Variants in JAK3 observed in about 807,000 individuals in gnomAD.
JAK3 encodes Janus kinase 3.
In JAK3, 88 loss-of-function variants were observed where a neutral mutation model predicts 120.8. The observed-to-expected ratio is 0.73, with a 90% CI of 0.61 to 0.87. JAK3 has a LOEUF of 0.87. Among genes scored for constraint, JAK3 ranks in the 40% least tolerant of loss-of-function variants. The pLI is 0.00. For synonymous variants in JAK3, 592 were observed against 628.6 expected, an observed-to-expected ratio of 0.94 and a Z score of 0.87; for missense variants, 1,254 against 1,501.4, an observed-to-expected ratio of 0.84 and a Z score of 2.72.
intron 12 of JAK3, 133 bp downstream of exon 12, chr19:17,837,799 G>A: frequency 7.7e-7 from 1 of 1,306,728 alleles, no homozygotes; most frequent in Non-Finnish European, 1.1e-6. Context: ...TCCTGCCTCA[G>A]CCTCCCAAAG....
Position 17,826,472 on chromosome 19 carries a change from C to G in JAK3, c.*271G>C. On this transcript the variant is annotated 3_prime_UTR_variant, in exon 24 of 24. Transcript: ENST00000458235. ...CAGGGCTTAAGGGGTTGGGAAGATG[C>G]GAGAGTCTTAAATTTGGTTCCTTGC... 1.9e-6 allele frequency: 1 copy of G among 525,480 alleles called. No homozygotes were observed. The highest frequency in any genetic ancestry group is 3.1e-5 in the Admixed American group (1 of 32,174). 32.6% of individuals were successfully genotyped at this position (525,480 alleles called of 1,614,324 possible).
chr19:17,839,465 G>T lies in JAK3; in HGVS notation c.1441+12C>A. On this transcript the variant is annotated intron_variant, in intron 10 of 23. Transcript: ENST00000458235. Reference sequence around the variant, plus strand: ...AGATCAGCCACTCATTCCAGGGGAGGAAGGGGCTCACCTTTGGGTCTGGGG... The same window carrying T: ...AGATCAGCCACTCATTCCAGGGGAGTAAGGGGCTCACCTTTGGGTCTGGGG... The T allele has an allele frequency of 6.4e-7, 1 of 1,566,598 alleles. No individual in the cohort carries two copies. The highest frequency in any genetic ancestry group is 8.7e-7 in the Non-Finnish European group (1 of 1,154,248).
rs1481913622 is a variant in JAK3, at chr19:17,841,528, G to A, written c.1003C>T (p.Leu335=). The A allele has an allele frequency of 6.3e-7, 1 of 1,587,274 alleles. No individual in the cohort carries two copies. Among genetic ancestry groups the A allele is most frequent in the Non-Finnish European group, 8.6e-7 (1 of 1,166,918 alleles). The change falls in exon 8 of 24, where the codon CTG becomes TTG. Residue 335 remains leucine (L), a synonymous_variant. Coordinates refer to ENST00000458235, the MANE Select transcript of JAK3 (RefSeq NM_000215.4). This position sits in a 1 kb window ranked among gnomAD's most constrained non-coding sequence, Gnocchi z 4.1. ...NQILEAEFPG[L]PEALSFVALV... ...GCCACGAACGACAGAGCCTCGGGCA[G>A]CCCTGGGAACTCGGCCTCCTGCGAG... is the stretch of plus-strand genomic sequence containing the variant.
chr19:17,827,122 G>A (rs982862992), intron 23 of JAK3, among the ~76,000 whole-genome samples: 10 of 148,864 alleles, frequency 6.7e-5, no homozygotes, highest in African/African-American at 2.2e-4. Flanking sequence ...TGGGATTATA[G>A]GCACGTGCCA....
intron 1 of JAK3, among the ~76,000 whole-genome samples, chr19:17,845,547 C>T (rs758955283): frequency 6.6e-6 from 1 of 152,038 alleles, no homozygotes; most frequent in South Asian, 2.1e-4. Flanking sequence ...TTTGACAGGC[C>T]GAGGCAGGTG....
At chr19:17,828,140 G>A (rs192083015) in intron 23 of JAK3, among the ~76,000 whole-genome samples, 34 of 152,144 alleles carry the variant, frequency 2.2e-4, no homozygotes, top group African/African-American at 7.0e-4. Flanking sequence ...CGTCGGCCCC[G>A]TAAGAGGCCC....
chr19:17,838,884 T>C (rs1568404816), intron 10 of JAK3, among the ~76,000 whole-genome samples: 1 of 151,596 alleles, frequency 6.6e-6, no homozygotes, highest in Non-Finnish European at 1.5e-5. Context: ...CCCAGCTAAT[T>C]TTTGTATTTT....
chr19:17,845,517 A>G (rs1240842021), intron 1 of JAK3, among the ~76,000 whole-genome samples: 1 of 152,106 alleles, frequency 6.6e-6, no homozygotes, highest in Non-Finnish European at 1.5e-5. Flanking sequence ...AAAGAAAAAA[A>G]AGCCTTGTAA....
At chr19:17,827,897 C>T (rs2094207042) in intron 23 of JAK3, among the ~76,000 whole-genome samples, 2 of 121,818 alleles carry the variant, frequency 1.6e-5, no homozygotes. Flanking sequence ...AGCAAAACCA[C>T]GTCTCAAAAA....
In JAK3 at chr19:17,838,327, G is replaced by T. The variant is rs1375844585; in HGVS notation, c.1505C>A (p.Pro502His). 1.2e-6 allele frequency: 2 copies of T among 1,614,086 alleles called. No homozygotes were observed. The highest frequency in any genetic ancestry group is 1.1e-5 in the South Asian group (1 of 91,078). The change falls in exon 11 of 24, where the codon CCC (proline) becomes CAC (histidine). Residue 502 changes from proline (P) to histidine (H), a missense_variant. Coordinates refer to ENST00000458235, the MANE Select transcript of JAK3 (RefSeq NM_000215.4). Reference sequence around the variant, plus strand: ...CTGACTCAGCTGGTATTGGGATTGGGGCTGAACCAAGGATGATGTGGGTGG... The same window carrying T: ...CTGACTCAGCTGGTATTGGGATTGGTGCTGAACCAAGGATGATGTGGGTGG... Reference protein sequence around the residue: ...HSPPTSSLVQPQSQYQLSQMT... With the variant: ...HSPPTSSLVQHQSQYQLSQMT...
rs1599867016 is a variant in JAK3, at chr19:17,831,166, T to A, written c.2978+62A>T. 3 of 1,356,190 alleles carry A rather than the reference T, an allele frequency of 2.2e-6. No individual in the cohort carries two copies. In the East Asian group the frequency reaches 8.6e-5, roughly 39 times the overall value. 84.0% of individuals were successfully genotyped at this position (1,356,190 alleles called of 1,614,324 possible). A position where few individuals can be genotyped will look rare whatever the true frequency, so the allele number is the denominator to read the frequency against. ...AAAGCAGCGGGAGGGGGCGGGGGCA[T>A]GGCTGGGGGCGGAGCCAGAGCCGTG... On this transcript the variant is annotated intron_variant, in intron 21 of 23. Coordinates refer to ENST00000458235, the MANE Select transcript of JAK3 (RefSeq NM_000215.4). This position sits in a 1 kb window ranked among gnomAD's most constrained non-coding sequence, Gnocchi z 5.1.
chr19:17,832,924 C>T lies in JAK3; in HGVS notation c.2356G>A (p.Glu786Lys). 6.2e-7 allele frequency: 1 copy of T among 1,613,404 alleles called. No homozygotes were observed. The highest frequency in any genetic ancestry group is 8.5e-7 in the Non-Finnish European group (1 of 1,179,772). The change falls in exon 18 of 24, where the codon GAG becomes AAG. Residue 786 changes from glutamate to lysine, a missense_variant. Physicochemically the swap from Glu to Lys is moderately conservative, Grantham distance 56 (BLOSUM62 1). Around this residue, in one of 3 missense-constraint regions of JAK3, gnomAD observed 630 missense variants for 819.8 expected, o/e 0.77. Transcript: ENST00000458235. This position sits in a 1 kb window ranked among gnomAD's most constrained non-coding sequence, Gnocchi z 4.7. ...DLNSLISSDYELLSDPTPGAL... is the reference protein window; with the variant it reads ...DLNSLISSDYKLLSDPTPGAL... ...CCAGGTGTGGGGTCTGAGAGGAGCT[C>T]ATAGTCTGGGGTGGGGGCATGGGCA...
In JAK3 at chr19:17,834,902, C is replaced by A; in HGVS notation, c.2149G>T (p.Glu717Ter). 6.2e-7 allele frequency: 1 copy of A among 1,614,162 alleles called. No individual in the cohort carries two copies. The highest frequency in any genetic ancestry group is 1.1e-5 in the South Asian group (1 of 91,086). The change falls in exon 16 of 24, where the codon GAA (glutamate) becomes TAA (stop). Residue 717 changes from glutamate to a stop codon, truncating the protein, a stop_gained. Coordinates refer to ENST00000458235, the MANE Select transcript of JAK3 (RefSeq NM_000215.4). LOFTEE classifies it high-confidence loss of function. The stretch of plus-strand genomic sequence containing the variant: ...GGCATGGTGACGCCACTAAACACTT[C>A]CCAGACCGTGGCGCCGAAGCCCCAC... ...DKWGFGATVW[E>*]VFSGVTMPIS...
rs200616268 is a variant in JAK3, at chr19:17,839,741, T to TC, written c.1255-79_1255-78insG. The TC allele has an allele frequency of 2.7e-3, 2,041 of 750,886 alleles. 1 individual carries two copies. Among genetic ancestry groups the TC allele is most frequent in the East Asian group, 0.017 (356 of 21,430 alleles). 46.5% of individuals were successfully genotyped at this position (750,886 alleles called of 1,614,324 possible). A position where few individuals can be genotyped will look rare whatever the true frequency, so the allele number is the denominator to read the frequency against. On this transcript the variant is annotated intron_variant, in intron 9 of 23. Transcript: ENST00000458235. The stretch of plus-strand genomic sequence containing the variant: ...TCAGTCCTTCTTCCTTTTTTTTCTT[T>TC]TTTTTTTTTTTTTTTTGGAGACGGA...
intron 1 of JAK3, among the ~76,000 whole-genome samples, chr19:17,846,342 C>G (rs541899199): frequency 2.0e-5 from 3 of 152,144 alleles, no homozygotes; most frequent in African/African-American, 7.2e-5. Flanking sequence ...GCAATTGGCA[C>G]AGCGGTGTGG....
Position 17,824,783 on chromosome 19 carries a change from T to A in JAK3, c.*1960A>T, listed in dbSNP as rs1184150878. The A allele has an allele frequency of 5.4e-6, 1 of 185,094 alleles. No individual in the cohort carries two copies. The highest frequency in any genetic ancestry group is 1.1e-5 in the Non-Finnish European group (1 of 87,828). 11.5% of individuals were successfully genotyped at this position (185,094 alleles called of 1,614,324 possible). Reference sequence around the variant, plus strand: ...TCGCCCCAAGTCCAGCACAAAATCTTTTCCACTGAATTCCTTTATTCAGTC... The same window carrying A: ...TCGCCCCAAGTCCAGCACAAAATCTATTCCACTGAATTCCTTTATTCAGTC... On this transcript the variant is annotated 3_prime_UTR_variant, in exon 24 of 24. Transcript: ENST00000458235.
At chr19:17,834,543 T>TCCCCC in intron 17 of JAK3, 28 bp downstream of exon 17, 2 of 1,602,930 alleles carry the variant, frequency 1.2e-6, no homozygotes, top group Non-Finnish European at 1.7e-6. Flanking sequence ...ATCACAGCCC[T>TCCCCC]CCCCACCCAA....
chr19:17,846,218 C>T (rs1252398267), intron 1 of JAK3, among the ~76,000 whole-genome samples: 1 of 152,176 alleles, frequency 6.6e-6, no homozygotes, highest in African/African-American at 2.4e-5. Context: ...AGGTGGTCTG[C>T]TGAGCGCAAT....
In JAK3 at chr19:17,832,723, G is replaced by A. The variant is rs2094216591; in HGVS notation, c.2491-15C>T. On this transcript the variant is annotated splice_polypyrimidine_tract_variant and intron_variant, in intron 18 of 23. Coordinates refer to ENST00000458235, the MANE Select transcript of JAK3 (RefSeq NM_000215.4). This position sits in a 1 kb window ranked among gnomAD's most constrained non-coding sequence, Gnocchi z 4.7. Reference sequence around the variant, plus strand: ...CCAAAGTTGCCCTGGGGGATAGCGGGACTGATGTCCAGGCACCTGGATGCT... The same window carrying A: ...CCAAAGTTGCCCTGGGGGATAGCGGAACTGATGTCCAGGCACCTGGATGCT... The A allele has an allele frequency of 1.2e-6, 2 of 1,614,094 alleles. No individual in the cohort carries two copies. Among genetic ancestry groups the A allele is most frequent in the African/African-American group, 1.3e-5 (1 of 74,948 alleles).
Sources: allele counts gnomAD v4.1 joint callset (sites outside exome capture counted in the v4.1 genomes callset), GRCh38; gene constraint gnomAD v4.1.1; regional missense constraint gnomAD v4.1.1; non-coding constraint Gnocchi (gnomAD v3.1); transcripts MANE v1.5; gene names NCBI Gene and HGNC (gene_info 2026-07-23, HGNC 2026-07-21).